The following PCSK1 variants were observed in gnomAD, a reference collection of about 807,000 sequenced individuals.
The protein encoded by PCSK1 is proprotein convertase subtilisin/kexin type 1.
PCSK1 carries 56 observed loss-of-function variants against 90.6 expected under a neutral mutation model. The ratio of observed to expected loss-of-function variants is 0.62; its 90% CI spans 0.50 to 0.77. The LOEUF is 0.77. Ranked by LOEUF, PCSK1 falls within the 30% of genes least tolerant of loss-of-function variation. The pLI is 0.00. For synonymous variants in PCSK1, 348 were observed against 342.4 expected, an observed-to-expected ratio of 1.02 and a Z score of -0.18; for missense variants, 801 against 932.6, an observed-to-expected ratio of 0.86 and a Z score of 1.84.
At position 96,408,213 on chromosome 5, in the gene PCSK1, T is replaced by C. The variant is rs755372795; in HGVS notation, c.1196+10A>G. ...TTTGTAAAGGTGATTAGAAGCTTTC[T>C]GGGCCTTACTTTGCTTCCAGGGCCA... On this transcript the variant is annotated intron_variant, in intron 9 of 13. Coordinates refer to ENST00000311106, the MANE Select transcript of PCSK1 (RefSeq NM_000439.5). 64 of 1,601,114 alleles carry C rather than the reference T, an allele frequency of 4.0e-5. No homozygotes were observed. The South Asian group carries it at 4.3e-4, about 11-fold the overall frequency.
intron 9 of PCSK1, among the ~76,000 whole-genome samples, chr5:96,406,603 G>A (rs1760574962): frequency 6.6e-6 from 1 of 152,140 alleles, no homozygotes. Flanking sequence ...GGAAGCCCCA[G>A]GGATCCTAGA....
chr5:96,401,411 T>A (rs573919852), intron 9 of PCSK1, among the ~76,000 whole-genome samples: 39 of 152,308 alleles, frequency 2.6e-4, no homozygotes, highest in African/African-American at 9.1e-4. Context: ...TGAGGAGTAT[T>A]GGGCCAGAGC....
At position 96,397,570 on chromosome 5, in the gene PCSK1, C is replaced by A. The variant is rs909199486; in HGVS notation, c.1589-101G>T. ...AAATAAAAGCTGAAAAAGATGAGTT[C>A]TCCTAATTTTCTCTTTTAGTATAAG... On this transcript the variant is annotated intron_variant, in intron 11 of 13. Transcript: ENST00000311106. 8.9e-6 allele frequency: 10 copies of A among 1,117,690 alleles called. No homozygotes were observed. In the East Asian group the frequency reaches 2.2e-4, roughly 24 times the overall value. The allele number at this position is 1,117,690 out of a possible 1,614,324, so 69.2% of individuals were successfully genotyped here.
At chr5:96,412,718 A>G (rs1760796719) in intron 6 of PCSK1, among the ~76,000 whole-genome samples, 1 of 139,450 alleles carries the variant, frequency 7.2e-6, no homozygotes, top group South Asian at 2.2e-4. Flanking sequence ...AGATAATACT[A>G]TGCAATACCA....
chr5:96,429,386 TCA>T, intron 1 of PCSK1, 69 bp from the exon 2 acceptor site: 1 of 848,320 alleles, frequency 1.2e-6, no homozygotes. Context: ...AGTTTAAAAC[TCA>T]GCTAACTTAG....
At position 96,399,019 on chromosome 5, in the gene PCSK1, C is replaced by T. The variant is rs750165136; in HGVS notation, c.1448G>A (p.Gly483Glu). The T allele has an allele frequency of 1.9e-6, 3 of 1,611,316 alleles. No homozygotes were observed. The highest frequency in any genetic ancestry group is 2.2e-5 in the East Asian group (1 of 44,822). ...TGTTGGAATTTCAATGATAACTTCT[C>T]CATTAGCTTTCAGGGCTCTAAATAC... ...DFEPRALKAN[G>E]EVIIEIPTRA... The change falls in exon 11 of 14, where the codon GGA becomes GAA. Residue 483 changes from glycine (G) to glutamate (E), a missense_variant. By Grantham distance (98) the Gly-to-Glu change is moderately conservative. Coordinates refer to ENST00000311106, the MANE Select transcript of PCSK1 (RefSeq NM_000439.5).
rs966798359 is a variant in PCSK1, at chr5:96,392,043, A to G, written c.*958T>C. 6 of 152,112 alleles carry G rather than the reference A, an allele frequency of 3.9e-5. No homozygotes were observed. Among genetic ancestry groups the G allele is most frequent in the Non-Finnish European group, 4.4e-5 (3 of 68,004 alleles). The allele number at this position is 152,112 out of a possible 1,614,324, so 9.4% of individuals were successfully genotyped here. A position where few individuals can be genotyped will look rare whatever the true frequency, so the allele number is the denominator to read the frequency against. ...TGAACACAGTTGGAAAAAAACAAAA[A>G]CAAAACTTCTCTTGGTTTCTCCCTA... On this transcript the variant is annotated 3_prime_UTR_variant, in exon 14 of 14. Transcript: ENST00000311106.
chr5:96,397,770 T>C (rs1290482857), intron 11 of PCSK1, among the ~76,000 whole-genome samples: 1 of 152,018 alleles, frequency 6.6e-6, no homozygotes, highest in African/African-American at 2.4e-5. Context: ...TAAGGAAAAC[T>C]CGGCGAACTA....
chr5:96,428,441 A>G (rs1396052958), intron 2 of PCSK1, among the ~76,000 whole-genome samples: 2 of 152,200 alleles, frequency 1.3e-5, no homozygotes, highest in African/African-American at 4.8e-5. Flanking sequence ...TGAAAATTAC[A>G]ATACTCCCAA....
chr5:96,399,889 G>T, intron 10 of PCSK1, 64 bp downstream of exon 10: 2 of 1,293,454 alleles, frequency 1.5e-6, no homozygotes, highest in Non-Finnish European at 2.2e-6. Flanking sequence ...AGGCAGAATG[G>T]CAAACATAGT....
intron 5 of PCSK1, among the ~76,000 whole-genome samples, chr5:96,420,256 A>G (rs1761079011): frequency 6.6e-6 from 1 of 152,206 alleles, no homozygotes; most frequent in Non-Finnish European, 1.5e-5. Context: ...CTCCAAGGTC[A>G]CCCTTTACTC....
intron 3 of PCSK1, among the ~76,000 whole-genome samples, 155 bp from the exon 4 acceptor site, chr5:96,423,614 G>A (rs964011590): frequency 1.1e-4 from 16 of 152,196 alleles, no homozygotes; most frequent in Non-Finnish European, 1.8e-4. Flanking sequence ...AAACAAAGTT[G>A]AGAGTAAGGC....
At chr5:96,432,264 TC>T (rs952768889) in intron 1 of PCSK1, 28 of 744,380 alleles carry the variant, frequency 3.8e-5, no homozygotes, top group African/African-American at 7.0e-5. Context: ...CCACCATTTC[TC>T]CCCCCAGCTT....
At chr5:96,396,326 C>T (rs961000135) in intron 12 of PCSK1, among the ~76,000 whole-genome samples, 2 of 152,066 alleles carry the variant, frequency 1.3e-5, no homozygotes, top group African/African-American at 4.8e-5. Context: ...TTTGGGAGGC[C>T]GAGGTGGGTA....
At chr5:96,429,427 C>T in intron 1 of PCSK1, 110 bp from the exon 2 acceptor site, 1 of 660,152 alleles carries the variant, frequency 1.5e-6, no homozygotes, top group African/African-American at 1.8e-5. Context: ...AAGCCCATTC[C>T]TGGTATCTGA....
chr5:96,429,339 A>G, intron 1 of PCSK1, 22 bp from the exon 2 acceptor site: 1 of 1,295,232 alleles, frequency 7.7e-7, no homozygotes. Context: ...AAGAAATAAA[A>G]TAAATATCCA....
At chr5:96,426,334 G>A (rs1213764804) in intron 2 of PCSK1, among the ~76,000 whole-genome samples, 1 of 152,138 alleles carries the variant, frequency 6.6e-6, no homozygotes, top group East Asian at 1.9e-4. Context: ...AGAGACTGCT[G>A]TTATAATGCT....
At chr5:96,393,660 A>C (rs545347976) in intron 13 of PCSK1, among the ~76,000 whole-genome samples, 1 of 152,338 alleles carries the variant, frequency 6.6e-6, no homozygotes, top group South Asian at 2.1e-4. Context: ...ATGAGACTGT[A>C]TAGGTAAGTA....
intron 1 of PCSK1, among the ~76,000 whole-genome samples, chr5:96,430,600 A>C (rs1220436304): frequency 6.6e-6 from 1 of 152,212 alleles, no homozygotes; most frequent in Non-Finnish European, 1.5e-5. Flanking sequence ...TAAGGTACCC[A>C]ATATAGTAAT....
Sources: allele counts gnomAD v4.1 joint callset (sites outside exome capture counted in the v4.1 genomes callset), GRCh38; gene constraint gnomAD v4.1.1; transcripts MANE v1.5; gene names NCBI Gene and HGNC (gene_info 2026-07-23, HGNC 2026-07-21).